The following TAFA4 variants were observed in gnomAD, a reference collection of about 807,000 sequenced individuals.
TAFA4 encodes TAFA chemokine like family member 4, also known as chemokine-like protein TAFA-4.
TAFA4 carries 20 observed loss-of-function variants against 21.1 expected under a neutral mutation model. That is an observed-to-expected ratio of 0.95 (90% CI 0.67 to 1.38). The LOEUF is 1.38. Ranked by LOEUF, TAFA4 falls within the 40% of genes most tolerant of loss-of-function variation. The pLI is 0.00. For missense variants in TAFA4, 211 were observed against 180.9 expected (o/e 1.17, Z -0.95); for synonymous variants, 71 against 67.4 (o/e 1.05, Z -0.26).
intron 4 of TAFA4, among the ~76,000 whole-genome samples, chr3:68,745,835 T>G (rs937274795): frequency 6.6e-6 from 1 of 152,246 alleles, no homozygotes; most frequent in Non-Finnish European, 1.5e-5. Context: ...TGATTTAGTT[T>G]AGCTGTATTT....
intron 4 of TAFA4, among the ~76,000 whole-genome samples, chr3:68,746,206 C>G (rs1559757046): frequency 6.6e-6 from 1 of 152,126 alleles, no homozygotes; most frequent in South Asian, 2.1e-4. Context: ...GGCTTCCCTA[C>G]TTTTGAGGTT....
At chr3:68,844,291 T>C (rs1417133631) in intron 3 of TAFA4, among the ~76,000 whole-genome samples, 1 of 152,174 alleles carries the variant, frequency 6.6e-6, no homozygotes, top group Admixed American at 6.5e-5. Context: ...CTAGATTTTC[T>C]AGTTTATTTG....
intron 1 of TAFA4, among the ~76,000 whole-genome samples, chr3:68,924,777 T>C (rs1021782271): frequency 2.6e-5 from 4 of 152,136 alleles, no homozygotes; most frequent in Non-Finnish European, 1.5e-5. Context: ...AACGCAAAAA[T>C]GGCCAGCATC....
chr3:68,912,271 T>A (rs1028544675), intron 1 of TAFA4, among the ~76,000 whole-genome samples: 1 of 152,164 alleles, frequency 6.6e-6, no homozygotes, highest in Admixed American at 6.5e-5. Context: ...CTTTTACCAG[T>A]CTCATCTAAT....
intron 3 of TAFA4, among the ~76,000 whole-genome samples, chr3:68,778,754 C>A (rs890333616): frequency 9.2e-5 from 14 of 152,174 alleles, no homozygotes; most frequent in African/African-American, 3.4e-4. Flanking sequence ...TCCAATTGAA[C>A]CTCTTTCTTT....
At chr3:68,816,862 C>T (rs1415323561) in intron 3 of TAFA4, among the ~76,000 whole-genome samples, 1 of 108,486 alleles carries the variant, frequency 9.2e-6, no homozygotes, top group African/African-American at 2.7e-5. Context: ...CTGAAAAACA[C>T]ATTATTGCTA....
intron 3 of TAFA4, among the ~76,000 whole-genome samples, chr3:68,877,879 A>T (rs902696096): frequency 6.6e-6 from 1 of 152,188 alleles, no homozygotes; most frequent in Non-Finnish European, 1.5e-5. Context: ...TGGAATGTTT[A>T]CTATGTGCTA....
At chr3:68,885,777 A>G (rs1394045620) in intron 1 of TAFA4, among the ~76,000 whole-genome samples, 1 of 152,224 alleles carries the variant, frequency 6.6e-6, no homozygotes, top group Non-Finnish European at 1.5e-5. Context: ...ATGCTAGACA[A>G]TCTATGAGGT....
intron 4 of TAFA4, among the ~76,000 whole-genome samples, chr3:68,741,825 ACT>A (rs1192687606): frequency 6.6e-6 from 1 of 151,396 alleles, no homozygotes; most frequent in African/African-American, 2.5e-5. Context: ...AAAACTCTCC[ACT>A]TTCTCTTCCA....
chr3:68,830,753 C>T (rs1704364754), intron 3 of TAFA4, among the ~76,000 whole-genome samples: 1 of 152,174 alleles, frequency 6.6e-6, no homozygotes, highest in Non-Finnish European at 1.5e-5. Context: ...TGTTAATTTT[C>T]TGTCTCGTTG....
chr3:68,770,100 T>A (rs1231313604), intron 3 of TAFA4, among the ~76,000 whole-genome samples: 1 of 152,070 alleles, frequency 6.6e-6, no homozygotes, highest in Admixed American at 6.6e-5. Context: ...GAAAAAAAAA[T>A]ATATCTAAAT....
At chr3:68,746,198 C>T (rs1456051236) in intron 4 of TAFA4, among the ~76,000 whole-genome samples, 1 of 152,144 alleles carries the variant, frequency 6.6e-6, no homozygotes, top group East Asian at 1.9e-4. Context: ...GCACTGTTGG[C>T]TTCCCTACTT....
intron 3 of TAFA4, among the ~76,000 whole-genome samples, chr3:68,801,247 CT>C (rs145036000): frequency 0.014 from 2,162 of 152,308 alleles, 42 homozygotes; most frequent in African/African-American, 0.049. Context: ...CCACGTCCCC[CT>C]GGGCCAAAAT....
At chr3:68,917,035 G>A (rs58155447) in intron 1 of TAFA4, among the ~76,000 whole-genome samples, 168 of 152,280 alleles carry the variant, frequency 1.1e-3, no homozygotes, top group Middle Eastern at 6.8e-3. Flanking sequence ...TAGATGTGAC[G>A]TACGTAGCTA....
At chr3:68,782,250 C>G (rs542934156) in intron 3 of TAFA4, among the ~76,000 whole-genome samples, 1 of 152,196 alleles carries the variant, frequency 6.6e-6, no homozygotes, top group South Asian at 2.1e-4. Context: ...AAAAGATGCT[C>G]AACATCATCA....
At chr3:68,830,580 C>T (rs544381142) in intron 3 of TAFA4, among the ~76,000 whole-genome samples, 2 of 152,294 alleles carry the variant, frequency 1.3e-5, no homozygotes, top group African/African-American at 4.8e-5. Flanking sequence ...TGTTCTTTTA[C>T]ATTTGCTGAA....
In TAFA4 at chr3:68,775,595, G is replaced by A. The variant is rs564042326; in HGVS notation, c.131-22577C>T. On this transcript the variant is annotated intron_variant, in intron 3 of 5. Transcript: ENST00000295569. ...GAGCAAAGAGAGAGACTTCTTCCAC[G>A]TTGCAGGGTGTTCGGGGTTTGCTCA... 9.2e-5 allele frequency among the ~76,000 whole-genome samples: 14 copies of A among 152,242 alleles called. No homozygotes were observed. The East Asian group carries it at 2.3e-3, about 25-fold the overall frequency.
chr3:68,737,167 C>A (rs1702256198), intron 5 of TAFA4, among the ~76,000 whole-genome samples: 1 of 152,014 alleles, frequency 6.6e-6, no homozygotes, highest in African/African-American at 2.4e-5. Flanking sequence ...AAATATTATT[C>A]CTTAGCCTAC....
At position 68,885,210 on chromosome 3, in the gene TAFA4, A is replaced by C; in HGVS notation, c.-22T>G. 2 of 1,611,522 alleles carry C rather than the reference A, an allele frequency of 1.2e-6. No individual in the cohort carries two copies. The highest frequency in any genetic ancestry group is 1.7e-6 in the Non-Finnish European group (2 of 1,178,614). ...TCATAAGATGTGGTTCTAGTCAAAC[A>C]CACTTATTCCAGGATATATTTCAGA... On this transcript the variant is annotated 5_prime_UTR_variant, in exon 2 of 6. Transcript: ENST00000295569.
Sources: gnomAD v4.1 joint callset for allele counts (sites outside exome capture counted in the v4.1 genomes callset) on GRCh38, gnomAD v4.1.1 for gene constraint, MANE v1.5 for transcripts, NCBI Gene and HGNC (gene_info 2026-07-23, HGNC 2026-07-21) for gene names.